Variants in TBCK observed in about 807,000 individuals in gnomAD.
TBCK encodes the protein TBC domain-containing protein kinase-like protein.
A neutral mutation model predicts 113.4 loss-of-function variants in TBCK; 99 were observed. That is an observed-to-expected ratio of 0.87 (90% CI 0.74 to 1.03). The LOEUF (loss-of-function observed/expected upper bound fraction) is 1.03. TBCK is among the 50% of genes least tolerant of loss of function. The pLI is 0.00. For missense variants in TBCK, 1,045 were observed against 1,061.3 expected, an observed-to-expected ratio of 0.98 and a Z score of 0.21; for synonymous variants, 369 against 370.8, an observed-to-expected ratio of 1.00 and a Z score of 0.05.
chr4:106,062,443 T>C (rs1392475630), intron 25 of TBCK, among the ~76,000 whole-genome samples: 1 of 151,888 alleles, frequency 6.6e-6, no homozygotes, highest in Non-Finnish European at 1.5e-5. Context: ...TTTATCAGCT[T>C]CTGTTTACAC....
chr4:106,180,102 T>C (rs1364325976), intron 22 of TBCK, among the ~76,000 whole-genome samples: 1 of 152,018 alleles, frequency 6.6e-6, no homozygotes, highest in Admixed American at 6.6e-5. Context: ...CCCTTCACTT[T>C]TAGTCTCTGC....
chr4:106,121,236 A>T (rs1174822604), intron 23 of TBCK, among the ~76,000 whole-genome samples: 5 of 151,558 alleles, frequency 3.3e-5, no homozygotes, highest in African/African-American at 1.2e-4. Flanking sequence ...AGTCTCTGAT[A>T]AAACAGACTT....
At chr4:106,096,497 T>C (rs907470493) in intron 24 of TBCK, among the ~76,000 whole-genome samples, 1 of 152,204 alleles carries the variant, frequency 6.6e-6, no homozygotes, top group Non-Finnish European at 1.5e-5. Flanking sequence ...TTCCTTTTTT[T>C]AGTGTGTTTA....
At chr4:106,091,336 G>C (rs914499975) in intron 25 of TBCK, among the ~76,000 whole-genome samples, 75 of 152,316 alleles carry the variant, frequency 4.9e-4, no homozygotes, top group African/African-American at 1.8e-3. Context: ...ACCATGGAGA[G>C]GACATCAAGC....
chr4:106,125,425 T>C (rs1745074403), intron 23 of TBCK, among the ~76,000 whole-genome samples: 1 of 152,090 alleles, frequency 6.6e-6, no homozygotes, highest in South Asian at 2.1e-4. Flanking sequence ...CCGAGTGAGG[T>C]GGCCCATGCT....
At chr4:106,175,335 A>G (rs980937361) in intron 22 of TBCK, among the ~76,000 whole-genome samples, 3 of 150,836 alleles carry the variant, frequency 2.0e-5, no homozygotes, top group African/African-American at 7.3e-5. Context: ...TATTTACAAG[A>G]ACAGCACCAA....
chr4:106,218,775 C>G (rs56775277), intron 19 of TBCK, among the ~76,000 whole-genome samples: 53,171 of 87,734 alleles, frequency 0.61, 15,322 homozygotes, highest in Non-Finnish European at 0.66. Flanking sequence ...GTTGGTGGGA[C>G]TGTAAACTAG....
At chr4:106,313,093 C>G (rs1768369196) in intron 1 of TBCK, among the ~76,000 whole-genome samples, 1 of 152,064 alleles carries the variant, frequency 6.6e-6, no homozygotes, top group Non-Finnish European at 1.5e-5. Context: ...TTATCTCACA[C>G]AAAATAAAAC....
intron 19 of TBCK, among the ~76,000 whole-genome samples, chr4:106,229,096 G>C (rs1313189172): frequency 6.6e-6 from 1 of 151,876 alleles, no homozygotes; most frequent in Non-Finnish European, 1.5e-5. Flanking sequence ...CAGATTATTA[G>C]ATTTTTTTTC....
chr4:106,151,119 T>C (rs1381787894), intron 23 of TBCK, among the ~76,000 whole-genome samples: 1 of 152,066 alleles, frequency 6.6e-6, no homozygotes, highest in Non-Finnish European at 1.5e-5. Flanking sequence ...TATTTTGATA[T>C]AAGCATGCAA....
Position 106,044,643 on chromosome 4 carries a change from A to AG in TBCK, c.*1926dup, listed in dbSNP as rs1734057629. 1 of 152,206 alleles carries AG rather than the reference A, an allele frequency of 6.6e-6. No individual in the cohort carries two copies. The highest frequency in any genetic ancestry group is 2.1e-4 in the South Asian group (1 of 4,832). The allele number at this position is 152,206 out of a possible 1,614,324, so 9.4% of individuals were successfully genotyped here. Reference sequence around the variant, plus strand: ...TATACAAAAATTTATCAAAGACCTTAGGAGGGGTTAATGTGGAATACCTGC... The same window carrying AG: ...TATACAAAAATTTATCAAAGACCTTAGGGAGGGGTTAATGTGGAATACCTGC... On this transcript the variant is annotated 3_prime_UTR_variant, in exon 26 of 26. Coordinates refer to ENST00000394708, the MANE Select transcript of TBCK (RefSeq NM_001163435.3).
chr4:106,295,138 A>G lies in TBCK; in HGVS notation c.222T>C (p.Cys74=). 1.9e-6 allele frequency: 3 copies of G among 1,613,722 alleles called. No individual in the cohort carries two copies. The highest frequency in any genetic ancestry group is 2.5e-6 in the Non-Finnish European group (3 of 1,179,742). ...HERLVVVAEH[C]ERSLEDLLRE... is the part of the protein sequence containing the mutation. ...GAAGCAAGTCTTCCAGACTACGTTC[A>G]CAATGTTCAGCCACGACCACTAGTC... Residue 74 remains cysteine, a synonymous_variant, in exon 3 of 26, where the codon TGT becomes TGC. Transcript: ENST00000394708.
chr4:106,222,038 T>G (rs1022070056), intron 19 of TBCK, among the ~76,000 whole-genome samples: 3 of 152,136 alleles, frequency 2.0e-5, no homozygotes, highest in African/African-American at 4.8e-5. Flanking sequence ...ACTTCAAAAA[T>G]AGTGTTTTCT....
intron 2 of TBCK, among the ~76,000 whole-genome samples, 191 bp from the exon 3 acceptor site, chr4:106,295,357 T>A (rs1182129957): frequency 2.0e-5 from 3 of 152,192 alleles, no homozygotes; most frequent in Non-Finnish European, 4.4e-5. Context: ...ACAATAACTA[T>A]TTTTTTCTCT....
chr4:106,269,353 T>G (rs1763271685), intron 3 of TBCK, among the ~76,000 whole-genome samples: 1 of 152,130 alleles, frequency 6.6e-6, no homozygotes. Context: ...ATTCCAGAAT[T>G]TGGGGAGGGT....
chr4:106,284,129 T>A (rs1764892076), intron 3 of TBCK, among the ~76,000 whole-genome samples: 1 of 152,164 alleles, frequency 6.6e-6, no homozygotes, highest in Non-Finnish European at 1.5e-5. Flanking sequence ...AAGAGAATTA[T>A]AGATCAGTTA....
chr4:106,222,423 A>G (rs1166040576), intron 19 of TBCK, among the ~76,000 whole-genome samples: 1 of 152,160 alleles, frequency 6.6e-6, no homozygotes, highest in Non-Finnish European at 1.5e-5. Flanking sequence ...TTTTCCAAAA[A>G]ATATATGCAG....
At chr4:106,194,327 G>A (rs992528781) in intron 21 of TBCK, among the ~76,000 whole-genome samples, 13 of 152,030 alleles carry the variant, frequency 8.6e-5, no homozygotes, top group African/African-American at 2.2e-4. Context: ...AAAGTATTAC[G>A]CATTCACATA....
intron 23 of TBCK, among the ~76,000 whole-genome samples, chr4:106,145,427 T>C (rs1349748273): frequency 6.6e-6 from 1 of 152,208 alleles, no homozygotes; most frequent in Admixed American, 6.5e-5. Flanking sequence ...AACAACTGTG[T>C]TTATACTCAT....
Sources: allele counts gnomAD v4.1 joint callset (sites outside exome capture counted in the v4.1 genomes callset), GRCh38; gene constraint gnomAD v4.1.1; transcripts MANE v1.5; gene names NCBI Gene and HGNC (gene_info 2026-07-23, HGNC 2026-07-21).